The following SHC4 variants were observed in gnomAD, a reference collection of about 807,000 sequenced individuals.
The protein encoded by SHC4 is SHC adaptor protein 4, also known as SHC-transforming protein 4.
SHC4 carries 41 observed loss-of-function variants against 69.4 expected under a neutral mutation model. The observed-to-expected ratio is 0.59, with a 90% CI of 0.46 to 0.77. The LOEUF (loss-of-function observed/expected upper bound fraction) is 0.77, where lower values mean the gene tolerates loss of function less well. Ranked by LOEUF, SHC4 falls within the 30% of genes least tolerant of loss-of-function variation. The pLI is 0.00. For missense variants in SHC4, 777 were observed against 783.8 expected (o/e 0.99, Z 0.10); for synonymous variants, 318 against 299.3 (o/e 1.06, Z -0.64).
intron 8 of SHC4, among the ~76,000 whole-genome samples, chr15:48,853,934 A>G (rs890208437): frequency 6.6e-6 from 1 of 152,176 alleles, no homozygotes; most frequent in Non-Finnish European, 1.5e-5. Context: ...ATTTGTGACT[A>G]CATCCTCAAA....
At chr15:48,876,503 A>G in intron 4 of SHC4, 1 of 547,444 alleles carries the variant, frequency 1.8e-6, no homozygotes, top group African/African-American at 1.9e-5. Flanking sequence ...ATACACATAT[A>G]TATGTATATA....
chr15:48,910,975 T>G (rs1433265416), intron 2 of SHC4, among the ~76,000 whole-genome samples: 1 of 152,232 alleles, frequency 6.6e-6, no homozygotes, highest in Admixed American at 6.5e-5. Context: ...AGGCTTGTTT[T>G]ATGGTCTATC....
At chr15:48,880,120 T>G (rs10519197) in intron 4 of SHC4, 28,808 of 167,018 alleles carry the variant, frequency 0.17, 2,822 homozygotes, top group East Asian at 0.28. Context: ...TCAGTAAAAA[T>G]GTTCCAAATG....
intron 9 of SHC4, among the ~76,000 whole-genome samples, chr15:48,849,972 G>A (rs973033121): frequency 4.6e-5 from 7 of 152,196 alleles, no homozygotes; most frequent in African/African-American, 1.7e-4. Context: ...GGAGGCCAAG[G>A]CAGGTGGATC....
chr15:48,881,435 C>T (rs1436403310), intron 4 of SHC4, among the ~76,000 whole-genome samples: 1 of 150,720 alleles, frequency 6.6e-6, no homozygotes, highest in African/African-American at 2.4e-5. Context: ...TTTGCCAAGT[C>T]CCTCAGTGTT....
chr15:48,840,228 C>A (rs1898966796), intron 10 of SHC4, among the ~76,000 whole-genome samples: 1 of 152,172 alleles, frequency 6.6e-6, no homozygotes, highest in African/African-American at 2.4e-5. Flanking sequence ...CCTTTTTACA[C>A]TACAGCATTT....
intron 6 of SHC4, among the ~76,000 whole-genome samples, chr15:48,862,526 T>A (rs1240571726): frequency 6.6e-6 from 1 of 152,204 alleles, no homozygotes; most frequent in African/African-American, 2.4e-5. Flanking sequence ...AATGCACTAA[T>A]GCTAAAAGCG....
At chr15:48,843,947 G>A (rs1899042064) in intron 9 of SHC4, among the ~76,000 whole-genome samples, 1 of 152,144 alleles carries the variant, frequency 6.6e-6, no homozygotes, top group Non-Finnish European at 1.5e-5. Flanking sequence ...GCTCAGAGGG[G>A]TTGCCCAGGA....
chr15:48,907,593 T>C (rs999854389), intron 2 of SHC4, among the ~76,000 whole-genome samples: 2 of 150,850 alleles, frequency 1.3e-5, no homozygotes, highest in African/African-American at 4.9e-5. Context: ...CCAAAGTCCA[T>C]TGCATCATTC....
At chr15:48,896,908 A>C (rs1900232872) in intron 2 of SHC4, among the ~76,000 whole-genome samples, 1 of 152,228 alleles carries the variant, frequency 6.6e-6, no homozygotes, top group Non-Finnish European at 1.5e-5. Flanking sequence ...AAGAACAAAT[A>C]GTACTTTCAG....
At chr15:48,875,680 C>A (rs1237014987) in intron 4 of SHC4, among the ~76,000 whole-genome samples, 1 of 152,182 alleles carries the variant, frequency 6.6e-6, no homozygotes, top group Non-Finnish European at 1.5e-5. Context: ...CTATTCAAGT[C>A]TTTGAATGAT....
intron 2 of SHC4, among the ~76,000 whole-genome samples, chr15:48,903,346 T>C (rs1365190005): frequency 6.6e-6 from 1 of 152,202 alleles, no homozygotes; most frequent in Non-Finnish European, 1.5e-5. Flanking sequence ...GAGATTAGTT[T>C]TTGATGAGTT....
intron 2 of SHC4, among the ~76,000 whole-genome samples, chr15:48,916,559 C>CA (rs35709723): frequency 0.87 from 119,063 of 136,850 alleles, 51,783 homozygotes; most frequent in South Asian, 0.93. Flanking sequence ...AGCATCAGTT[C>CA]AAAAAAAAAA....
intron 2 of SHC4, 91 bp downstream of exon 2, chr15:48,924,787 GA>G (rs1479265951): frequency 7.4e-7 from 1 of 1,342,322 alleles, no homozygotes; most frequent in East Asian, 2.3e-5. Context: ...AGTGCATAAT[GA>G]ATTGGAAGGT....
At chr15:48,916,940 T>C (rs1022354307) in intron 2 of SHC4, among the ~76,000 whole-genome samples, 9 of 152,220 alleles carry the variant, frequency 5.9e-5, no homozygotes, top group African/African-American at 2.2e-4. Flanking sequence ...AATGGTGTGC[T>C]CCGCCCCTCG....
At position 48,962,954 on chromosome 15, in the gene SHC4, T is replaced by C; in HGVS notation, c.62A>G (p.His21Arg). The C allele has an allele frequency of 6.2e-7, 1 of 1,613,042 alleles. No homozygotes were observed. Among genetic ancestry groups the C allele is most frequent in the Non-Finnish European group, 8.5e-7 (1 of 1,179,982 alleles). ...CTTGGCCCTGTGCAGCATCCCGGGG[T>C]GCCCGAAGAGTCCTACATACAGCAC... Reference protein sequence around the residue: ...GLVLYVGLFGHPGMLHRAKYS... With the variant: ...GLVLYVGLFGRPGMLHRAKYS... The change falls in exon 1 of 12, where the codon CAC (histidine) becomes CGC (arginine). Residue 21 changes from histidine (H) to arginine (R), a missense_variant. Physicochemically the swap from His to Arg is conservative, Grantham distance 29. Coordinates refer to ENST00000332408, the MANE Select transcript of SHC4 (RefSeq NM_203349.4).
At chr15:48,847,695 T>C (rs1191379700) in intron 9 of SHC4, among the ~76,000 whole-genome samples, 1 of 152,106 alleles carries the variant, frequency 6.6e-6, no homozygotes. Context: ...GAATTTCGGA[T>C]TACTTTAAAA....
At chr15:48,941,530 GA>G (rs1396971252) in intron 1 of SHC4, among the ~76,000 whole-genome samples, 3 of 152,134 alleles carry the variant, frequency 2.0e-5, no homozygotes, top group African/African-American at 7.2e-5. Context: ...CATGTTTATT[GA>G]TAGAAAGTTT....
At chr15:48,888,280 C>CA (rs2141004525) in intron 3 of SHC4, among the ~76,000 whole-genome samples, 1 of 152,132 alleles carries the variant, frequency 6.6e-6, no homozygotes, top group South Asian at 2.1e-4. Flanking sequence ...ATTATTCAGC[C>CA]ATAAAAAGGA....
Sources: gnomAD v4.1 joint callset for allele counts (sites outside exome capture counted in the v4.1 genomes callset) on GRCh38, gnomAD v4.1.1 for gene constraint, MANE v1.5 for transcripts, NCBI Gene and HGNC (gene_info 2026-07-23, HGNC 2026-07-21) for gene names.